Variants in ZBTB7C observed in about 807,000 individuals in gnomAD.
ZBTB7C encodes zinc finger and BTB domain containing 7C, also known as zinc finger and BTB domain-containing protein 7C.
In ZBTB7C, 8 loss-of-function variants were observed where a neutral mutation model predicts 25.7. That is an observed-to-expected ratio of 0.31 (90% CI 0.18 to 0.56). The LOEUF is 0.56. ZBTB7C is among the 20% of genes least tolerant of loss of function. ZBTB7C has a pLI of 0.91. For missense variants in ZBTB7C, 824 were observed against 855.2 expected (o/e 0.96, Z 0.46); for synonymous variants, 394 against 369.0 (o/e 1.07, Z -0.78).
At chr18:48,097,362 C>A (rs1484439145) in intron 3 of ZBTB7C, among the ~76,000 whole-genome samples, 1 of 142,174 alleles carries the variant, frequency 7.0e-6, no homozygotes. Flanking sequence ...GCAGGAAAGA[C>A]AACTTTTATT....
At chr18:48,403,807 TC>T (rs2145324459) in intron 1 of ZBTB7C, among the ~76,000 whole-genome samples, 1 of 151,866 alleles carries the variant, frequency 6.6e-6, no homozygotes, top group African/African-American at 2.4e-5. Context: ...TACCACCTGT[TC>T]CCCAAAAACC....
intron 3 of ZBTB7C, among the ~76,000 whole-genome samples, chr18:48,176,616 C>CTTGTGTGTGT (rs146025748): frequency 6.7e-6 from 1 of 149,642 alleles, no homozygotes; most frequent in African/African-American, 2.5e-5. Context: ...AGGAAATACA[C>CTTGTGTGTGT]GTGTGTGTGT....
intron 2 of ZBTB7C, among the ~76,000 whole-genome samples, chr18:48,274,477 A>T (rs1471854690): frequency 6.6e-6 from 1 of 152,160 alleles, no homozygotes. Context: ...TACCAGGATG[A>T]CTCAGCAGGT....
At chr18:48,305,339 C>T (rs149683762) in intron 2 of ZBTB7C, among the ~76,000 whole-genome samples, 90 of 152,308 alleles carry the variant, frequency 5.9e-4, no homozygotes, top group Middle Eastern at 6.8e-3. Flanking sequence ...GAGTAGGAAT[C>T]TGTGATTTAC....
chr18:48,352,941 A>G (rs149509383), intron 1 of ZBTB7C, among the ~76,000 whole-genome samples: 2 of 152,304 alleles, frequency 1.3e-5, no homozygotes, highest in Non-Finnish European at 2.9e-5. Context: ...CATCAACCTT[A>G]GATATCTGAA....
chr18:48,309,015 A>ACAT (rs2045748136), intron 2 of ZBTB7C, among the ~76,000 whole-genome samples: 1 of 152,188 alleles, frequency 6.6e-6, no homozygotes, highest in Non-Finnish European at 1.5e-5. Context: ...AGATTCTAGA[A>ACAT]CATTCCAGGC....
intron 1 of ZBTB7C, among the ~76,000 whole-genome samples, chr18:48,342,138 T>C (rs536996639): frequency 1.3e-5 from 2 of 152,194 alleles, no homozygotes; most frequent in Non-Finnish European, 2.9e-5. Flanking sequence ...CCCAACTGTC[T>C]ACCAGAGCTT....
chr18:48,201,426 A>C (rs1281943615), intron 2 of ZBTB7C, among the ~76,000 whole-genome samples: 1 of 152,078 alleles, frequency 6.6e-6, no homozygotes, highest in Non-Finnish European at 1.5e-5. Flanking sequence ...TCTGATGTCC[A>C]TTCCTGTGAT....
chr18:48,095,501 CA>C (rs941141710), intron 3 of ZBTB7C, among the ~76,000 whole-genome samples: 2 of 152,086 alleles, frequency 1.3e-5, no homozygotes, highest in African/African-American at 4.8e-5. Context: ...CACCTGAAGT[CA>C]GGGGTTCGAG....
chr18:48,244,437 A>ATG (rs2043620955), intron 2 of ZBTB7C, among the ~76,000 whole-genome samples: 1 of 152,194 alleles, frequency 6.6e-6, no homozygotes, highest in African/African-American at 2.4e-5. Flanking sequence ...AAATAAATAT[A>ATG]GATGGGACTT....
chr18:48,252,730 C>T (rs992471132), intron 2 of ZBTB7C: 21 of 152,300 alleles, frequency 1.4e-4, no homozygotes, highest in African/African-American at 5.1e-4. Context: ...GTGGCGTGAC[C>T]TCACACTGAT....
chr18:48,142,516 C>A (rs1005501645), intron 3 of ZBTB7C, among the ~76,000 whole-genome samples: 2 of 152,196 alleles, frequency 1.3e-5, no homozygotes, highest in Non-Finnish European at 2.9e-5. Context: ...GGGTCCCAGA[C>A]CTCTGCTCAC....
chr18:48,157,562 T>C (rs765655327), intron 3 of ZBTB7C, among the ~76,000 whole-genome samples: 1 of 152,174 alleles, frequency 6.6e-6, no homozygotes, highest in African/African-American at 2.4e-5. Context: ...GTTGGTTATA[T>C]TACTTGTCAA....
Position 48,057,050 on chromosome 18 carries a change from CAAAA to C in ZBTB7C, c.-16-15931_-16-15928del, listed in dbSNP as rs11380205. On this transcript the variant is annotated intron_variant, in intron 3 of 4. Transcript: ENST00000590800. ...ACCTATAGTTTATTAGAAAAATTGT[CAAAA>C]AAAAAAAAAAAAAAAACCAACCCAT... Among the ~76,000 whole-genome samples the C allele has an allele frequency of 1.1e-4, 7 of 64,302 alleles. No individual in the cohort carries two copies. The South Asian group carries it at 2.6e-3, about 24-fold the overall frequency. 42.2% of individuals were successfully genotyped at this position (64,302 alleles called of 152,430 possible).
intron 2 of ZBTB7C, among the ~76,000 whole-genome samples, chr18:48,255,862 C>A (rs1367316675): frequency 1.3e-5 from 2 of 152,106 alleles, no homozygotes; most frequent in African/African-American, 4.8e-5. Context: ...AATCCAATAA[C>A]AGCAGATAAG....
chr18:48,176,431 GAGA>G (rs2041679581), intron 3 of ZBTB7C, among the ~76,000 whole-genome samples: 1 of 152,172 alleles, frequency 6.6e-6, no homozygotes, highest in Non-Finnish European at 1.5e-5. Flanking sequence ...AAATGCTGGG[GAGA>G]ACATTATGAA....
intron 3 of ZBTB7C, chr18:48,136,906 G>A (rs2040187025): frequency 3.2e-6 from 3 of 938,618 alleles, no homozygotes; most frequent in Middle Eastern, 5.5e-4. Flanking sequence ...CCGGCCGCCC[G>A]GAAGGGCTTC....
At chr18:48,342,230 TGCTGCCCACTCAGAA>T (rs1448395970) in intron 1 of ZBTB7C, among the ~76,000 whole-genome samples, 1 of 152,252 alleles carries the variant, frequency 6.6e-6, no homozygotes, top group Non-Finnish European at 1.5e-5. Flanking sequence ...CAAAGTGGGC[TGCTGCCCACTCAGAA>T]GCTGCCCACT....
At chr18:48,204,476 A>G (rs1353675095) in intron 2 of ZBTB7C, among the ~76,000 whole-genome samples, 2 of 152,120 alleles carry the variant, frequency 1.3e-5, no homozygotes, top group African/African-American at 4.8e-5. Context: ...GACAAGGCCC[A>G]TGCAGGAAGG....
Sources: allele counts gnomAD v4.1 joint callset (sites outside exome capture counted in the v4.1 genomes callset), GRCh38; gene constraint gnomAD v4.1.1; transcripts MANE v1.5; gene names NCBI Gene and HGNC (gene_info 2026-07-23, HGNC 2026-07-21).